CCDC91: variants seen among roughly 807,000 people sequenced by gnomAD.
CCDC91 encodes coiled-coil domain-containing protein 91.
CCDC91 carries 48 observed loss-of-function variants against 63.2 expected under a neutral mutation model. That is an observed-to-expected ratio of 0.76 (90% CI 0.60 to 0.97). The LOEUF (loss-of-function observed/expected upper bound fraction) is 0.97. CCDC91 is among the 50% of genes least tolerant of loss of function. CCDC91 has a pLI of 0.00. For missense variants in CCDC91, 500 were observed against 494.6 expected (o/e 1.01, Z -0.10); for synonymous variants, 167 against 165.8 (o/e 1.01, Z -0.06).
intron 6 of CCDC91, among the ~76,000 whole-genome samples, chr12:28,312,667 A>G (rs1321625838): frequency 6.6e-6 from 1 of 152,102 alleles, no homozygotes; most frequent in Non-Finnish European, 1.5e-5. Flanking sequence ...GTCCCCACTC[A>G]AATCTTATCT....
At position 28,405,896 on chromosome 12, in the gene CCDC91, G is replaced by A. The variant is rs566305215; in HGVS notation, c.762+14485G>A. Among the ~76,000 whole-genome samples, 5 of 152,250 alleles carry A rather than the reference G, an allele frequency of 3.3e-5. No individual in the cohort carries two copies. The East Asian group carries it at 9.6e-4, about 29-fold the overall frequency. On this transcript the variant is annotated intron_variant, in intron 8 of 12. Coordinates refer to ENST00000536442, the MANE Select transcript of CCDC91 (RefSeq NM_018318.5). ...TATGTAGATAAATAAACATATGCAA[G>A]CACATATAGTTATAATGTCTATGTA...
intron 7 of CCDC91, among the ~76,000 whole-genome samples, chr12:28,372,711 A>C (rs1944698495): frequency 6.6e-6 from 1 of 152,130 alleles, no homozygotes; most frequent in Admixed American, 6.6e-5. Context: ...TTCATTTATC[A>C]AATCTAAGAG....
At chr12:28,259,198 A>AATATTTTTATT (rs1946655086) in intron 2 of CCDC91, among the ~76,000 whole-genome samples, 166 bp from the exon 3 acceptor site, 2 of 152,040 alleles carry the variant, frequency 1.3e-5, no homozygotes, top group Non-Finnish European at 2.9e-5. Context: ...GTGGTGAGTC[A>AATATTTTTATT]TGATAGGAGT....
intron 7 of CCDC91, among the ~76,000 whole-genome samples, chr12:28,367,067 A>G (rs1944323523): frequency 6.6e-6 from 1 of 152,198 alleles, no homozygotes; most frequent in South Asian, 2.1e-4. Flanking sequence ...AAATACTTAT[A>G]TAATACTCAT....
chr12:28,245,749 CAAATT>C (rs1024358120), intron 1 of CCDC91, among the ~76,000 whole-genome samples: 2 of 152,054 alleles, frequency 1.3e-5, no homozygotes, highest in African/African-American at 4.8e-5. Context: ...TCAGGGAAGT[CAAATT>C]AAGTACAAAA....
In CCDC91 at chr12:28,389,539, A is replaced by G. The variant is rs538638641; in HGVS notation, c.655-1765A>G. ...ACAAATCAACCCCTAGAGGAAGACT[A>G]CCTTATTCAAATTGTACTTCTTAAT... On this transcript the variant is annotated intron_variant, in intron 7 of 12. Transcript: ENST00000536442. Among the ~76,000 whole-genome samples, 55 of 152,224 alleles carry G rather than the reference A, an allele frequency of 3.6e-4. 1 individual carries two copies. Among genetic ancestry groups the G allele is most frequent in the African/African-American group, 9.9e-4 (41 of 41,548 alleles).
At chr12:28,294,580 C>T (rs1012308868) in intron 3 of CCDC91, among the ~76,000 whole-genome samples, 2 of 152,030 alleles carry the variant, frequency 1.3e-5, no homozygotes, top group African/African-American at 4.8e-5. Context: ...GTCAGTTAAA[C>T]CTGCTTCCTC....
intron 7 of CCDC91, among the ~76,000 whole-genome samples, chr12:28,373,661 T>C (rs1944762462): frequency 6.6e-6 from 1 of 152,140 alleles, no homozygotes; most frequent in South Asian, 2.1e-4. Flanking sequence ...AGACCTTTGA[T>C]CAATTTTCCA....
intron 1 of CCDC91, among the ~76,000 whole-genome samples, chr12:28,194,279 A>G (rs1021594728): frequency 1.8e-4 from 28 of 151,912 alleles, no homozygotes; most frequent in African/African-American, 6.8e-4. Context: ...GTGTGTGTGT[A>G]TGGATGCCCC....
chr12:28,444,567 C>T (rs1246588474), intron 8 of CCDC91, among the ~76,000 whole-genome samples: 2 of 152,118 alleles, frequency 1.3e-5, no homozygotes, highest in Non-Finnish European at 2.9e-5. Flanking sequence ...CTTTAGCAAA[C>T]TAATGCAGGA....
intron 12 of CCDC91, among the ~76,000 whole-genome samples, chr12:28,538,454 G>C (rs1417237685): frequency 6.6e-6 from 1 of 151,920 alleles, no homozygotes; most frequent in Non-Finnish European, 1.5e-5. Flanking sequence ...TTTTATGGCT[G>C]CATAGTATTC....
chr12:28,536,850 T>A (rs1434085526), intron 12 of CCDC91, among the ~76,000 whole-genome samples: 1 of 152,132 alleles, frequency 6.6e-6, no homozygotes, highest in Non-Finnish European at 1.5e-5. Context: ...CAGAAGTGAT[T>A]GTGGCAACTT....
Position 28,450,066 on chromosome 12 carries a change from C to T in CCDC91, c.763-95C>T, listed in dbSNP as rs1949725036. The T allele has an allele frequency of 3.3e-5, 23 of 690,426 alleles. No homozygotes were observed. In the South Asian group the frequency reaches 5.8e-4, roughly 18 times the overall value. 42.8% of individuals were successfully genotyped at this position (690,426 alleles called of 1,614,324 possible). A position where few individuals can be genotyped will look rare whatever the true frequency, so the allele number is the denominator to read the frequency against. On this transcript the variant is annotated intron_variant, in intron 8 of 12. Transcript: ENST00000536442. ...TCATTTTTTCCTTTTGTAACTACTT[C>T]AATTTTCTGGACAAATGAATTCTAC...
At position 28,329,097 on chromosome 12, in the gene CCDC91, A is replaced by G. The variant is rs564062955; in HGVS notation, c.576+21348A>G. The stretch of plus-strand genomic sequence containing the variant: ...ACTCTACATATGGTTTTGAATGGAA[A>G]ATAAAGAAGTCTTCCTGAAATAATA... On this transcript the variant is annotated intron_variant, in intron 6 of 12. Coordinates refer to ENST00000536442, the MANE Select transcript of CCDC91 (RefSeq NM_018318.5). 2.4e-4 allele frequency among the ~76,000 whole-genome samples: 36 copies of G among 152,298 alleles called. No individual in the cohort carries two copies. In the South Asian group the frequency reaches 7.5e-3, roughly 32 times the overall value.
intron 12 of CCDC91, among the ~76,000 whole-genome samples, chr12:28,488,788 A>G (rs1951852467): frequency 6.6e-6 from 1 of 151,950 alleles, no homozygotes; most frequent in Non-Finnish European, 1.5e-5. Context: ...TCTGTGGATC[A>G]GCAAGGTACC....
intron 11 of CCDC91, among the ~76,000 whole-genome samples, chr12:28,481,756 AACTGGGGAGG>A (rs1289636481): frequency 6.6e-6 from 1 of 151,960 alleles, no homozygotes; most frequent in Non-Finnish European, 1.5e-5. Context: ...GTTAACTCCC[AACTGGGGAGG>A]ATAGAATCAA....
chr12:28,259,526 A>T, intron 3 of CCDC91, 84 bp downstream of exon 3: 1 of 800,716 alleles, frequency 1.2e-6, no homozygotes. Context: ...CTATTTCTCA[A>T]CTTTTTTACT....
intron 6 of CCDC91, among the ~76,000 whole-genome samples, chr12:28,315,707 A>C (rs1407188371): frequency 1.3e-5 from 2 of 151,978 alleles, no homozygotes; most frequent in African/African-American, 4.8e-5. Flanking sequence ...TCAAACATCA[A>C]AAACTGCATA....
chr12:28,378,508 T>A (rs1169438699), intron 7 of CCDC91, among the ~76,000 whole-genome samples: 1 of 152,102 alleles, frequency 6.6e-6, no homozygotes, highest in African/African-American at 2.4e-5. Flanking sequence ...ACAATTTTGT[T>A]TTCTCTTCCT....
Sources: gnomAD v4.1 joint callset for allele counts (sites outside exome capture counted in the v4.1 genomes callset) on GRCh38, gnomAD v4.1.1 for gene constraint, MANE v1.5 for transcripts, NCBI Gene and HGNC (gene_info 2026-07-23, HGNC 2026-07-21) for gene names.